The following RGS6 variants were observed in gnomAD, a reference collection of about 807,000 sequenced individuals.
RGS6 encodes regulator of G-protein signaling 6.
In RGS6, 30 loss-of-function variants were observed where a neutral mutation model predicts 78.5. The ratio of observed to expected loss-of-function variants is 0.38; its 90% CI spans 0.29 to 0.52. The LOEUF is 0.52. Among genes scored for constraint, RGS6 ranks in the 20% least tolerant of loss-of-function variants. The probability of loss-of-function intolerance (pLI) is 0.85; values close to 1 mark genes in which losing one functional copy is unlikely to be tolerated. For missense variants in RGS6, 495 were observed against 609.7 expected, an observed-to-expected ratio of 0.81 and a Z score of 1.98; for synonymous variants, 206 against 206.0, an observed-to-expected ratio of 1.00 and a Z score of 0.00.
Position 72,133,674 on chromosome 14 carries a change from T to C in RGS6, c.84+168799T>C, listed in dbSNP as rs576231704. On this transcript the variant is annotated intron_variant, in intron 2 of 17. Transcript: ENST00000553525. Reference sequence around the variant, plus strand: ...TATGTCAGAGAATCCCAGGATCTGATTGGATGGATATAATTGTGACTGCCT... The same window carrying C: ...TATGTCAGAGAATCCCAGGATCTGACTGGATGGATATAATTGTGACTGCCT... Among the ~76,000 whole-genome samples the C allele has an allele frequency of 2.6e-5, 4 of 152,152 alleles. No individual in the cohort carries two copies. In the East Asian group the frequency reaches 5.8e-4, roughly 22 times the overall value.
the RGS6 span, among the ~76,000 whole-genome samples, chr14:71,923,943 A>T: frequency 6.6e-6 from 1 of 152,238 alleles, no homozygotes; most frequent in Non-Finnish European, 1.5e-5. Context: ...TGATCTATGC[A>T]GGGAATAGTT....
chr14:72,384,157 A>T (rs1001813382), intron 3 of RGS6, among the ~76,000 whole-genome samples: 2 of 152,340 alleles, frequency 1.3e-5, no homozygotes, highest in South Asian at 2.1e-4. Flanking sequence ...TGGTACTTTT[A>T]AAAAAATAAG....
chr14:72,579,000 G>C, the RGS6 span, among the ~76,000 whole-genome samples: 2 of 152,114 alleles, frequency 1.3e-5, no homozygotes, highest in African/African-American at 2.4e-5. Flanking sequence ...TTAGGAAAAA[G>C]TATCAACCTG....
rs147840896 is a variant in RGS6 at position 72,465,801 on chromosome 14, G to A, written c.438G>A (p.Leu146=). Residue 146 remains leucine (L), a synonymous_variant, in exon 7 of 18, where the codon CTG becomes CTA. Coordinates refer to ENST00000553525, the MANE Select transcript of RGS6 (RefSeq NM_001204424.2). Reference sequence around the variant, plus strand: ...GGACAATGCAAAATAAAGCAAGGCTGGAACTGGCAGATTATGAAGCAGTAA... The same window carrying A: ...GGACAATGCAAAATAAAGCAAGGCTAGAACTGGCAGATTATGAAGCAGTAA... ...CKRTMQNKAR[L]ELADYEAENL... 4 of 1,613,696 alleles carry A rather than the reference G, an allele frequency of 2.5e-6. No homozygotes were observed. Among genetic ancestry groups the A allele is most frequent in the Non-Finnish European group, 3.4e-6 (4 of 1,179,604 alleles).
intron 6 of RGS6, among the ~76,000 whole-genome samples, chr14:72,460,669 C>T (rs188898367): frequency 3.1e-3 from 473 of 152,256 alleles, no homozygotes; most frequent in Non-Finnish European, 5.1e-3. Flanking sequence ...GCTGCTGACT[C>T]AGCTGCTGTG....
At position 72,001,895 on chromosome 14, in the gene RGS6, C is replaced by CTTTTTTTTTTTTTTTT. The variant is rs59274317; in HGVS notation, c.84+37030_84+37045dup. The stretch of plus-strand genomic sequence containing the variant: ...TTGAAGTGTTTAGACATCCATTAAT[C>CTTTTTTTTTTTTTTTT]TTTTTTTTTTTTTTTTTTTTTTTTT... On this transcript the variant is annotated intron_variant, in intron 2 of 17. Transcript: ENST00000553525. Among the ~76,000 whole-genome samples the CTTTTTTTTTTTTTTTT allele has an allele frequency of 1.7e-4, 16 of 92,530 alleles. 1 individual carries two copies. The highest frequency in any genetic ancestry group is 6.6e-4 in the African/African-American group (15 of 22,760). 60.7% of individuals were successfully genotyped at this position (92,530 alleles called of 152,430 possible).
chr14:72,204,629 G>A (rs1414793687), intron 2 of RGS6, among the ~76,000 whole-genome samples: 2 of 152,192 alleles, frequency 1.3e-5, no homozygotes, highest in African/African-American at 2.4e-5. Flanking sequence ...CCTCACAGGT[G>A]GCACCTTCTT....
At chr14:72,126,750 T>G (rs921198595) in intron 2 of RGS6, among the ~76,000 whole-genome samples, 2 of 152,246 alleles carry the variant, frequency 1.3e-5, no homozygotes, top group Non-Finnish European at 2.9e-5. Context: ...CTGTTTTAAC[T>G]GGGAGGACAT....
At chr14:72,101,728 A>G (rs2095532527) in intron 2 of RGS6, among the ~76,000 whole-genome samples, 1 of 152,184 alleles carries the variant, frequency 6.6e-6, no homozygotes, top group Non-Finnish European at 1.5e-5. Flanking sequence ...TGAATTGTGT[A>G]TCTCCAAAAC....
rs1567108121 is a variant in RGS6, at chr14:72,053,137, T to TCC, written c.84+88262_84+88263insCC. On this transcript the variant is annotated intron_variant, in intron 2 of 17. Coordinates refer to ENST00000553525, the MANE Select transcript of RGS6 (RefSeq NM_001204424.2). Reference sequence around the variant, plus strand: ...CCTTCCTTCCTTCCTTCCTTTCTTTTTTTGATGGAGTCTCGCTCTGTCACC... The same window carrying TCC: ...CCTTCCTTCCTTCCTTCCTTTCTTTTCCTTTGATGGAGTCTCGCTCTGTCACC... 7.8e-5 allele frequency among the ~76,000 whole-genome samples: 8 copies of TCC among 102,638 alleles called. 1 individual carries two copies. In the East Asian group the frequency reaches 2.3e-3, roughly 29 times the overall value. 67.3% of individuals were successfully genotyped at this position (102,638 alleles called of 152,430 possible). A position where few individuals can be genotyped will look rare whatever the true frequency, so the allele number is the denominator to read the frequency against.
the RGS6 span, among the ~76,000 whole-genome samples, chr14:72,616,811 C>A: frequency 6.6e-6 from 1 of 152,216 alleles, no homozygotes; most frequent in Non-Finnish European, 1.5e-5. Context: ...TTTACCAACC[C>A]CGTCCTCTTT....
intron 2 of RGS6, among the ~76,000 whole-genome samples, chr14:72,080,166 T>C (rs553203379): frequency 1.3e-5 from 2 of 152,134 alleles, no homozygotes; most frequent in Non-Finnish European, 2.9e-5. Flanking sequence ...TGTACAAAGA[T>C]TCCCTTTTCT....
chr14:72,296,248 T>A (rs574190556), intron 2 of RGS6, among the ~76,000 whole-genome samples: 16 of 152,238 alleles, frequency 1.1e-4, no homozygotes, highest in Non-Finnish European at 2.1e-4. Flanking sequence ...TATGCCAGTT[T>A]ATCCATTCTC....
At chr14:72,273,367 A>T (rs2238210) in intron 2 of RGS6, among the ~76,000 whole-genome samples, 8,814 of 152,162 alleles carry the variant, frequency 0.058, 427 homozygotes, top group East Asian at 0.3. Context: ...AAGTAACTGA[A>T]TCACCTCTTC....
At chr14:71,978,079 A>G (rs1247855808) in intron 2 of RGS6, among the ~76,000 whole-genome samples, 2 of 150,220 alleles carry the variant, frequency 1.3e-5, no homozygotes, top group Non-Finnish European at 1.5e-5. Context: ...TTGTTGGTGT[A>G]TAAGAATGCT....
At chr14:71,894,753 G>C in the RGS6 span, among the ~76,000 whole-genome samples, 1 of 152,148 alleles carries the variant, frequency 6.6e-6, no homozygotes, top group Non-Finnish European at 1.5e-5. Flanking sequence ...ATATATGACT[G>C]TTTTTGTGTC....
At chr14:72,000,654 A>G (rs916638730) in intron 2 of RGS6, among the ~76,000 whole-genome samples, 1 of 152,200 alleles carries the variant, frequency 6.6e-6, no homozygotes, top group African/African-American at 2.4e-5. Context: ...TAGGCAGGGT[A>G]GTGAGAGTGG....
At chr14:72,092,092 C>A (rs1330877255) in intron 2 of RGS6, among the ~76,000 whole-genome samples, 1 of 152,168 alleles carries the variant, frequency 6.6e-6, no homozygotes, top group South Asian at 2.1e-4. Context: ...AAGGTGCCAT[C>A]TCGGCTCACT....
chr14:72,390,910 A>C (rs540206377), intron 3 of RGS6, among the ~76,000 whole-genome samples: 2 of 152,158 alleles, frequency 1.3e-5, no homozygotes, highest in Non-Finnish European at 2.9e-5. Flanking sequence ...GACTCTCGTA[A>C]GTTTCTGGCT....
Sources: gnomAD v4.1 joint callset for allele counts (sites outside exome capture counted in the v4.1 genomes callset) on GRCh38, gnomAD v4.1.1 for gene constraint, MANE v1.5 for transcripts, NCBI Gene and HGNC (gene_info 2026-07-23, HGNC 2026-07-21) for gene names.